The following TBC1D19 variants were observed in gnomAD, a reference collection of about 807,000 sequenced individuals.
TBC1D19 encodes the protein TBC1 domain family member 19.
TBC1D19 carries 60 observed loss-of-function variants against 89.0 expected under a neutral mutation model. The ratio of observed to expected loss-of-function variants is 0.67; its 90% CI spans 0.55 to 0.84. The LOEUF is 0.84. Among genes scored for constraint, TBC1D19 ranks in the 40% least tolerant of loss-of-function variants. The probability of loss-of-function intolerance (pLI) is 0.00; values close to 1 mark genes in which losing one functional copy is unlikely to be tolerated. For missense variants in TBC1D19, 500 were observed against 610.8 expected (o/e 0.82, Z 1.91); for synonymous variants, 189 against 199.7 (o/e 0.95, Z 0.45).
chr4:26,792,854 C>A, the TBC1D19 span, among the ~76,000 whole-genome samples: 1 of 152,214 alleles, frequency 6.6e-6, no homozygotes, highest in African/African-American at 2.4e-5. Flanking sequence ...GAGCACAGCT[C>A]CTTCCTGTCC....
chr4:26,638,724 G>C (rs372064669), intron 5 of TBC1D19, 47 bp from the exon 6 acceptor site: 1 of 1,456,796 alleles, frequency 6.9e-7, no homozygotes, highest in Non-Finnish European at 9.5e-7. Flanking sequence ...TGTATTGCTA[G>C]ACTTCAAAAA....
chr4:26,674,614 A>G (rs1477401785), intron 11 of TBC1D19, among the ~76,000 whole-genome samples: 2 of 152,050 alleles, frequency 1.3e-5, no homozygotes, highest in Admixed American at 1.3e-4. Flanking sequence ...CTTCTAGCTC[A>G]CCCAGCTTAC....
intron 13 of TBC1D19, among the ~76,000 whole-genome samples, chr4:26,695,916 A>G (rs1395956997): frequency 6.6e-6 from 1 of 152,232 alleles, no homozygotes; most frequent in Non-Finnish European, 1.5e-5. Flanking sequence ...GACAAATTGT[A>G]AAGACCAGCG....
At chr4:26,684,990 G>C (rs199794594) in intron 12 of TBC1D19, among the ~76,000 whole-genome samples, 1 of 152,128 alleles carries the variant, frequency 6.6e-6, no homozygotes, top group South Asian at 2.1e-4. Flanking sequence ...AAATAACAGA[G>C]CTTATGGGCA....
chr4:26,839,592 A>C, the TBC1D19 span, among the ~76,000 whole-genome samples: 1 of 148,056 alleles, frequency 6.8e-6, no homozygotes, highest in South Asian at 2.1e-4. Flanking sequence ...CCTTTCTGTC[A>C]AAAAAAAAAT....
At chr4:26,584,326 G>T (rs1739276588) in intron 1 of TBC1D19, 34 bp downstream of exon 1, 6 of 1,577,544 alleles carry the variant, frequency 3.8e-6, no homozygotes, top group South Asian at 1.2e-5. Flanking sequence ...GATGCAGACG[G>T]GCGGGGCCGC....
At chr4:26,593,363 T>G (rs1201518856) in intron 1 of TBC1D19, among the ~76,000 whole-genome samples, 4 of 152,116 alleles carry the variant, frequency 2.6e-5, no homozygotes, top group Non-Finnish European at 2.9e-5. Context: ...GATTTAAATG[T>G]TAGACCTAAA....
intron 12 of TBC1D19, among the ~76,000 whole-genome samples, chr4:26,684,828 A>G (rs959091294): frequency 2.0e-5 from 3 of 152,226 alleles, no homozygotes; most frequent in Non-Finnish European, 2.9e-5. Context: ...ATGACTGCTT[A>G]CTGTGCCATA....
At chr4:26,578,595 G>C (rs1435061588) in intron 1 of TBC1D19, among the ~76,000 whole-genome samples, 1 of 152,082 alleles carries the variant, frequency 6.6e-6, no homozygotes, top group Non-Finnish European at 1.5e-5. Context: ...GAGAGAGAGA[G>C]AGCACGTGCA....
chr4:26,827,912 GTAGGCCACCTGACAAATCCA>G, the TBC1D19 span, among the ~76,000 whole-genome samples: 2 of 152,018 alleles, frequency 1.3e-5, no homozygotes, highest in Admixed American at 6.6e-5. Flanking sequence ...TGAGATTAAC[GTAGGCCACCTGACAAATCCA>G]TATCTGAAAA....
In TBC1D19 at chr4:26,584,112, C is replaced by G. The variant is rs1739255682; in HGVS notation, c.-82C>G. 1 of 1,389,940 alleles carries G rather than the reference C, an allele frequency of 7.2e-7. No individual in the cohort carries two copies. The highest frequency in any genetic ancestry group is 2.0e-5 in the Admixed American group (1 of 50,656). The allele number at this position is 1,389,940 out of a possible 1,614,324, so 86.1% of individuals were successfully genotyped here. On this transcript the variant is annotated 5_prime_UTR_variant, in exon 1 of 21. Coordinates refer to ENST00000264866, the MANE Select transcript of TBC1D19 (RefSeq NM_018317.4). ...GTAATAAGGTCCCGGAGAAGTGTCA[C>G]TGGCCCTGAGTGGGACCCGGTAGCC...
intron 13 of TBC1D19, among the ~76,000 whole-genome samples, chr4:26,699,340 G>C (rs1715107405): frequency 6.6e-6 from 1 of 152,090 alleles, no homozygotes; most frequent in Non-Finnish European, 1.5e-5. Context: ...TTAGAATGAT[G>C]ATCATTAAAA....
At chr4:26,698,371 A>C (rs1263487406) in intron 13 of TBC1D19, among the ~76,000 whole-genome samples, 2 of 152,216 alleles carry the variant, frequency 1.3e-5, no homozygotes, top group Non-Finnish European at 2.9e-5. Flanking sequence ...GAGGATATAA[A>C]CAAATGCAAG....
At chr4:26,812,405 G>A in the TBC1D19 span, among the ~76,000 whole-genome samples, 10,758 of 152,144 alleles carry the variant, frequency 0.071, 1,099 homozygotes, top group African/African-American at 0.23. This position sits in a 1 kb window ranked among gnomAD's most constrained non-coding sequence, Gnocchi z 4.2. Context: ...TACCATGAAC[G>A]ATCCCCACGG....
At chr4:26,707,822 G>A (rs938494847) in intron 13 of TBC1D19, among the ~76,000 whole-genome samples, 2 of 151,902 alleles carry the variant, frequency 1.3e-5, no homozygotes, top group African/African-American at 4.8e-5. Flanking sequence ...TACAAAATTT[G>A]TATTACTTTA....
intron 7 of TBC1D19, among the ~76,000 whole-genome samples, chr4:26,652,046 C>T (rs1291893215): frequency 1.3e-5 from 2 of 152,080 alleles, no homozygotes; most frequent in East Asian, 3.9e-4. Flanking sequence ...ACCAGCCTTG[C>T]ATCCCAGGGA....
At chr4:26,733,776 A>G (rs1717805829) in intron 15 of TBC1D19, among the ~76,000 whole-genome samples, 2 of 152,218 alleles carry the variant, frequency 1.3e-5, no homozygotes, top group Non-Finnish European at 2.9e-5. Flanking sequence ...ACCAAAGAAG[A>G]AATGTAATAG....
chr4:26,803,189 C>T, the TBC1D19 span, among the ~76,000 whole-genome samples: 7 of 151,936 alleles, frequency 4.6e-5, no homozygotes, highest in Non-Finnish European at 8.8e-5. Flanking sequence ...GGGGGTACTA[C>T]AGAATAACTG....
At chr4:26,809,372 G>A in the TBC1D19 span, among the ~76,000 whole-genome samples, 1 of 152,150 alleles carries the variant, frequency 6.6e-6, no homozygotes, top group Non-Finnish European at 1.5e-5. Flanking sequence ...TTCGGTTCCT[G>A]CCAACAAGCT....
Sources: gnomAD v4.1 joint callset for allele counts (sites outside exome capture counted in the v4.1 genomes callset) on GRCh38, gnomAD v4.1.1 for gene constraint, Gnocchi (gnomAD v3.1) non-coding constraint, MANE v1.5 for transcripts, NCBI Gene and HGNC (gene_info 2026-07-23, HGNC 2026-07-21) for gene names.